CATSPERE: variants seen among roughly 807,000 people sequenced by gnomAD.
CATSPERE encodes cation channel sperm-associated auxiliary subunit epsilon.
In CATSPERE, 93 loss-of-function variants were observed where a neutral mutation model predicts 114.1. That is an observed-to-expected ratio of 0.81 (90% CI 0.69 to 0.97). CATSPERE has a LOEUF of 0.97. CATSPERE is among the 50% of genes least tolerant of loss of function. The pLI, the probability that CATSPERE is intolerant of heterozygous loss-of-function variation, is 0.00. For synonymous variants in CATSPERE, 341 were observed against 384.1 expected, an observed-to-expected ratio of 0.89 and a Z score of 1.31; for missense variants, 1,058 against 1,131.6, an observed-to-expected ratio of 0.93 and a Z score of 0.93.
intron 6 of CATSPERE, among the ~76,000 whole-genome samples, chr1:244,490,856 T>C (rs1286426829): frequency 1.3e-5 from 2 of 152,180 alleles, no homozygotes; most frequent in African/African-American, 4.8e-5. Flanking sequence ...AATACGTTAA[T>C]TAACATATAA....
At position 244,461,542 on chromosome 1, in the gene CATSPERE, C is replaced by G. The variant is rs753065264; in HGVS notation, c.65+48C>G. ...CGAGCGACTAGGCGGGGATTACCCC[C>G]GGCGGGGCAGGCGGGAGGGTCCTGC... On this transcript the variant is annotated intron_variant, in intron 1 of 21. Transcript: ENST00000366534. 2.4e-6 allele frequency: 3 copies of G among 1,258,218 alleles called. No individual in the cohort carries two copies. The African/African-American group carries it at 4.6e-5, about 19-fold the overall frequency. The allele number at this position is 1,258,218 out of a possible 1,614,324, so 77.9% of individuals were successfully genotyped here. A position where few individuals can be genotyped will look rare whatever the true frequency, so the allele number is the denominator to read the frequency against.
chr1:244,592,594 T>C (rs1488162674), intron 15 of CATSPERE, among the ~76,000 whole-genome samples: 1 of 152,202 alleles, frequency 6.6e-6, no homozygotes, highest in South Asian at 2.1e-4. Flanking sequence ...GTTTAACCAG[T>C]AGGCATATTC....
intron 8 of CATSPERE, among the ~76,000 whole-genome samples, chr1:244,531,893 GAGTCAGATT>G (rs1679667165): frequency 6.6e-6 from 1 of 152,174 alleles, no homozygotes; most frequent in Non-Finnish European, 1.5e-5. Flanking sequence ...GGGATAGTTT[GAGTCAGATT>G]GGTATTAGTT....
At chr1:244,556,119 G>A (rs60545323) in intron 9 of CATSPERE, among the ~76,000 whole-genome samples, 20,110 of 152,092 alleles carry the variant, frequency 0.13, 2,394 homozygotes, top group African/African-American at 0.32. Context: ...GGTTGCTTGA[G>A]CCCAGGAGTT....
chr1:244,582,335 C>G (rs1201634478), intron 12 of CATSPERE, among the ~76,000 whole-genome samples: 2 of 151,980 alleles, frequency 1.3e-5, no homozygotes, highest in Non-Finnish European at 2.9e-5. Flanking sequence ...GCTATCATTA[C>G]AGCCTGGAAG....
At chr1:244,621,271 A>C (rs1228649124) in intron 20 of CATSPERE, among the ~76,000 whole-genome samples, 5 of 118,380 alleles carry the variant, frequency 4.2e-5, no homozygotes, top group Non-Finnish European at 8.8e-5. Flanking sequence ...ATTTATATAG[A>C]TATATCTATA....
rs1051006778 is a variant in CATSPERE at position 244,584,076 on chromosome 1, C to T, written c.2085+137C>T. ...CAATACCTCCATAGAGTACCATCCT[C>T]CTATTACTTAGCAAGTTCCATATTT... On this transcript the variant is annotated intron_variant, in intron 13 of 21. Coordinates refer to ENST00000366534, the MANE Select transcript of CATSPERE (RefSeq NM_001130957.2). 9 of 547,930 alleles carry T rather than the reference C, an allele frequency of 1.6e-5. No homozygotes were observed. The African/African-American group carries it at 1.8e-4, about 11-fold the overall frequency. 33.9% of individuals were successfully genotyped at this position (547,930 alleles called of 1,614,324 possible).
At chr1:244,491,764 C>A (rs1672215005) in intron 6 of CATSPERE, among the ~76,000 whole-genome samples, 2 of 152,126 alleles carry the variant, frequency 1.3e-5, no homozygotes, top group African/African-American at 2.4e-5. Context: ...AAGGGGATAT[C>A]ACCACCGATC....
intron 18 of CATSPERE, among the ~76,000 whole-genome samples, chr1:244,609,876 A>G (rs893928834): frequency 6.6e-6 from 1 of 152,146 alleles, no homozygotes; most frequent in Non-Finnish European, 1.5e-5. Flanking sequence ...CTCCATCTCT[A>G]CAAAAATTAA....
chr1:244,574,548 T>A (rs1208582068), intron 11 of CATSPERE, among the ~76,000 whole-genome samples: 3 of 152,224 alleles, frequency 2.0e-5, no homozygotes, highest in African/African-American at 7.2e-5. Context: ...AAACTTTTTT[T>A]AACATGTTTG....
chr1:244,584,503 G>A (rs1666731518), intron 13 of CATSPERE, among the ~76,000 whole-genome samples: 1 of 147,238 alleles, frequency 6.8e-6, no homozygotes, highest in South Asian at 2.1e-4. Flanking sequence ...AATAGTATCA[G>A]GGTGTTCAGG....
intron 8 of CATSPERE, among the ~76,000 whole-genome samples, chr1:244,551,598 A>G (rs1347712101): frequency 6.6e-6 from 1 of 152,184 alleles, no homozygotes; most frequent in Non-Finnish European, 1.5e-5. Flanking sequence ...ATGTATAAGT[A>G]GGCATGGTAC....
At chr1:244,463,800 G>A in intron 1 of CATSPERE, 108 bp from the exon 2 acceptor site, 1 of 955,718 alleles carries the variant, frequency 1.0e-6, no homozygotes, top group Non-Finnish European at 1.7e-6. Context: ...GAATGAGGCA[G>A]AAAGGTGACA....
intron 17 of CATSPERE, chr1:244,598,657 A>G: frequency 3.5e-6 from 1 of 283,298 alleles, no homozygotes. Flanking sequence ...TTCTAAACAA[A>G]AACACTTTTG....
At chr1:244,583,968 A>T in intron 13 of CATSPERE, 29 bp downstream of exon 13, 1 of 1,595,298 alleles carries the variant, frequency 6.3e-7, no homozygotes, top group African/African-American at 1.3e-5. Flanking sequence ...AGACCCAAAT[A>T]TTTCACTTCA....
In CATSPERE at chr1:244,479,729, C is replaced by T. The variant is rs369590534; in HGVS notation, c.271C>T (p.Arg91Cys). ...CATTTTCTTTTAGGATGAAGAAGAA[C>T]GCTATTTATTTGTGGAAAGTTCTCA... is the stretch of plus-strand genomic sequence containing the variant. ...PIVTGPDEEE[R>C]YLFVESSHTC... The change falls in exon 5 of 22, where the codon CGC (arginine) becomes TGC (cysteine). Residue 91 changes from arginine to cysteine, a missense_variant. By Grantham distance (180) the Arg-to-Cys change is radical (BLOSUM62 -3). Coordinates refer to ENST00000366534, the MANE Select transcript of CATSPERE (RefSeq NM_001130957.2). The T allele has an allele frequency of 1.4e-5, 22 of 1,596,960 alleles. No individual in the cohort carries two copies. Among genetic ancestry groups the T allele is most frequent in the Admixed American group, 3.4e-5 (2 of 58,832 alleles).
chr1:244,626,574 G>A (rs1393785393), intron 20 of CATSPERE, among the ~76,000 whole-genome samples: 1 of 150,604 alleles, frequency 6.6e-6, no homozygotes, highest in Non-Finnish European at 1.5e-5. Flanking sequence ...GTTGTGTAGT[G>A]TAGCCACCTT....
chr1:244,454,173 A>G (rs572453960), upstream of CATSPERE, among the ~76,000 whole-genome samples: 1 of 152,104 alleles, frequency 6.6e-6, no homozygotes, highest in South Asian at 2.1e-4. Context: ...GATGAGCCCT[A>G]CAGAAGGCTC....
Position 244,490,676 on chromosome 1 carries a change from TC to T in CATSPERE, c.351+211del, listed in dbSNP as rs36067529. Among the ~76,000 whole-genome samples, 225 of 152,190 alleles carry T rather than the reference TC, an allele frequency of 1.5e-3. 1 individual carries two copies. Among genetic ancestry groups the T allele is most frequent in the African/African-American group, 4.9e-3 (205 of 41,544 alleles). ...CACCTATCTGCATAAGGATGGATCT[TC>T]CCCCCTTTTACTTCTACCGAGATAA... On this transcript the variant is annotated intron_variant, in intron 6 of 21. Transcript: ENST00000366534.
Sources: allele counts gnomAD v4.1 joint callset (sites outside exome capture counted in the v4.1 genomes callset), GRCh38; gene constraint gnomAD v4.1.1; transcripts MANE v1.5; gene names NCBI Gene and HGNC (gene_info 2026-07-23, HGNC 2026-07-21).